SLIT1: variants seen among roughly 807,000 people sequenced by gnomAD.
SLIT1 encodes the protein slit guidance ligand 1.
In SLIT1, 66 loss-of-function variants were observed where a neutral mutation model predicts 186.1. That is an observed-to-expected ratio of 0.35 (90% CI 0.29 to 0.44). The LOEUF (loss-of-function observed/expected upper bound fraction) is 0.44, where lower values mean the gene tolerates loss of function less well. Ranked by LOEUF, SLIT1 falls within the 20% of genes least tolerant of loss-of-function variation. The pLI is 1.00. For missense variants in SLIT1, 1,638 were observed against 2,037.4 expected, an observed-to-expected ratio of 0.80 and a Z score of 3.77; for synonymous variants, 761 against 833.8, an observed-to-expected ratio of 0.91 and a Z score of 1.50.
chr10:97,009,827 TA>T (rs1848395486), intron 31 of SLIT1, among the ~76,000 whole-genome samples: 1 of 152,178 alleles, frequency 6.6e-6, no homozygotes, highest in Admixed American at 6.5e-5. Context: ...AGAACTTGAA[TA>T]AAAATTTTTT....
At chr10:97,092,104 G>A (rs1482991035) in intron 4 of SLIT1, among the ~76,000 whole-genome samples, 2 of 152,252 alleles carry the variant, frequency 1.3e-5, no homozygotes, top group African/African-American at 4.8e-5. Flanking sequence ...AAGGCTTGCT[G>A]TCAAGGCAGC....
intron 4 of SLIT1, among the ~76,000 whole-genome samples, chr10:97,118,811 T>C (rs1849532256): frequency 6.6e-6 from 1 of 152,226 alleles, no homozygotes; most frequent in South Asian, 2.1e-4. Flanking sequence ...TCCTCTCTTA[T>C]AGGATTGCTG....
At chr10:97,163,292 G>T in intron 3 of SLIT1, 88 bp downstream of exon 3, 1 of 1,131,338 alleles carries the variant, frequency 8.8e-7, no homozygotes. Flanking sequence ...TCCCATGAGT[G>T]CCCCTCATCC....
chr10:97,144,059 G>A (rs777230801), intron 4 of SLIT1, among the ~76,000 whole-genome samples: 21 of 152,130 alleles, frequency 1.4e-4, no homozygotes, highest in South Asian at 4.1e-4. Context: ...TTAGCTGGGC[G>A]TGGTGGCGGG....
intron 4 of SLIT1, among the ~76,000 whole-genome samples, chr10:97,134,786 C>A (rs1849686365): frequency 6.6e-6 from 1 of 152,174 alleles, no homozygotes; most frequent in African/African-American, 2.4e-5. Context: ...TTTTTTGGGG[C>A]CAGCATTACA....
At chr10:97,094,742 A>G (rs2134665584) in intron 4 of SLIT1, among the ~76,000 whole-genome samples, 1 of 152,368 alleles carries the variant, frequency 6.6e-6, no homozygotes, top group African/African-American at 2.4e-5. Context: ...CGGGGAATGC[A>G]TCAATCTATG....
chr10:97,150,707 A>G (rs1165373109), intron 4 of SLIT1, among the ~76,000 whole-genome samples: 2 of 151,766 alleles, frequency 1.3e-5, no homozygotes, highest in African/African-American at 4.8e-5. Context: ...CTTCTGGATG[A>G]CGAGGGGATC....
In SLIT1 at chr10:97,043,627, G is replaced by A. The variant is rs1200017342; in HGVS notation, c.1854-114C>T. On this transcript the variant is annotated intron_variant, in intron 18 of 36. Coordinates refer to ENST00000266058, the MANE Select transcript of SLIT1 (RefSeq NM_003061.3). This position sits in a 1 kb window ranked among gnomAD's most constrained non-coding sequence, Gnocchi z 7.0. ...TTCACAGTTCTCCTCCATAGGCTGC[G>A]AGCCGCAGAGCCAGGAACACGCACC... is the stretch of plus-strand genomic sequence containing the variant. The A allele has an allele frequency of 2.1e-5, 21 of 1,022,080 alleles. No individual in the cohort carries two copies. The highest frequency in any genetic ancestry group is 8.9e-5 in the Admixed American group (4 of 44,864). The allele number at this position is 1,022,080 out of a possible 1,614,324, so 63.3% of individuals were successfully genotyped here.
chr10:97,113,726 A>G (rs536550102), intron 4 of SLIT1, among the ~76,000 whole-genome samples: 1 of 150,680 alleles, frequency 6.6e-6, no homozygotes, highest in South Asian at 2.1e-4. Context: ...CTAATTTTGT[A>G]TGTTTAGTAG....
At chr10:97,111,214 G>GAAAA (rs1438109562) in intron 4 of SLIT1, among the ~76,000 whole-genome samples, 3 of 151,582 alleles carry the variant, frequency 2.0e-5, no homozygotes, top group Non-Finnish European at 4.4e-5. Context: ...GAAAAGAAAA[G>GAAAA]AAAGAGGGCT....
intron 22 of SLIT1, among the ~76,000 whole-genome samples, chr10:97,034,854 G>T (rs1468581630): frequency 6.6e-6 from 1 of 152,150 alleles, no homozygotes; most frequent in East Asian, 1.9e-4. Flanking sequence ...GGTGTTGGTG[G>T]CCTCCCGACC....
Position 97,001,278 on chromosome 10 carries a change from G to A in SLIT1, c.4439C>T (p.Thr1480Met), listed in dbSNP as rs200011241. The A allele has an allele frequency of 2.7e-4, 442 of 1,613,298 alleles. 2 individuals carry two copies. The East Asian group carries it at 8.3e-3, about 30-fold the overall frequency. ...VQRGYAICQT[T>M]RPLSWVECRG... ...GCACTCCACCCATGACAGGGGGCGC[G>A]TGGTCTGGCAGATGGCATAGCCCCT... is the stretch of plus-strand genomic sequence containing the variant. The change falls in exon 37 of 37, where the codon ACG (threonine) becomes ATG (methionine). Residue 1480 changes from threonine (T) to methionine (M), a missense_variant. Physicochemically the swap from Thr to Met is moderately conservative, Grantham distance 81. This residue lies in a region of SLIT1 where 220 missense variants were observed against 211.3 expected (regional missense o/e 1.04). Coordinates refer to ENST00000266058, the MANE Select transcript of SLIT1 (RefSeq NM_003061.3).
chr10:97,033,295 G>A (rs570382477), intron 23 of SLIT1, among the ~76,000 whole-genome samples: 1 of 152,226 alleles, frequency 6.6e-6, no homozygotes, highest in East Asian at 1.9e-4. Flanking sequence ...CCTTTTTTGG[G>A]TACTGGCTCT....
chr10:97,179,572 C>CAGGAT (rs1850302806), intron 1 of SLIT1, among the ~76,000 whole-genome samples: 1 of 152,242 alleles, frequency 6.6e-6, no homozygotes, highest in African/African-American at 2.4e-5. Flanking sequence ...CTGGGCCATT[C>CAGGAT]TCGTACTGAA....
chr10:97,093,322 T>C (rs1374561159), intron 4 of SLIT1, among the ~76,000 whole-genome samples: 1 of 152,220 alleles, frequency 6.6e-6, no homozygotes, highest in Non-Finnish European at 1.5e-5. Flanking sequence ...ACAAGAACTG[T>C]GATTTGATGT....
intron 3 of SLIT1, among the ~76,000 whole-genome samples, chr10:97,158,718 T>A: frequency 2.2e-5 from 3 of 133,764 alleles, no homozygotes; most frequent in Admixed American, 7.4e-5. Flanking sequence ...TTATCATTAA[T>A]AAAAATGCAT....
At chr10:97,008,535 A>C (rs895121313) in intron 31 of SLIT1, among the ~76,000 whole-genome samples, 2 of 152,140 alleles carry the variant, frequency 1.3e-5, no homozygotes, top group Non-Finnish European at 2.9e-5. Flanking sequence ...TTTCTACTAA[A>C]AATACAAAAA....
rs535892673 is a variant in SLIT1 at position 97,163,893 on chromosome 10, G to A, written c.270-442C>T. Among the ~76,000 whole-genome samples the A allele has an allele frequency of 3.0e-4, 46 of 152,296 alleles. 1 individual carries two copies. The highest frequency in any genetic ancestry group is 3.4e-3 in the Middle Eastern group (1 of 294). ...AAGGCACATGTCCAAGGGACAGAAC[G>A]GGGGGACCGGCCAGTATCAGGGGGA... On this transcript the variant is annotated intron_variant, in intron 2 of 36. Transcript: ENST00000266058.
chr10:97,086,812 T>C (rs1440974664), intron 4 of SLIT1, among the ~76,000 whole-genome samples: 2 of 152,130 alleles, frequency 1.3e-5, no homozygotes, highest in African/African-American at 4.8e-5. Context: ...CCACTCTGTG[T>C]GATACTACAA....
Sources: gnomAD v4.1 joint callset for allele counts (sites outside exome capture counted in the v4.1 genomes callset) on GRCh38, gnomAD v4.1.1 for gene constraint, gnomAD v4.1.1 regional missense constraint, Gnocchi (gnomAD v3.1) non-coding constraint, MANE v1.5 for transcripts, NCBI Gene and HGNC (gene_info 2026-07-23, HGNC 2026-07-21) for gene names.